Variants in PAPLN observed in about 807,000 individuals in gnomAD.
The protein encoded by PAPLN is papilin, proteoglycan like sulfated glycoprotein.
PAPLN carries 146 observed loss-of-function variants against 159.0 expected under a neutral mutation model. The ratio of observed to expected loss-of-function variants is 0.92; its 90% CI spans 0.80 to 1.05. The LOEUF is 1.05. Among genes scored for constraint, PAPLN ranks in the 50% least tolerant of loss-of-function variants. The probability of loss-of-function intolerance (pLI) is 0.00; values close to 1 mark genes in which losing one functional copy is unlikely to be tolerated. For missense variants in PAPLN, 1,720 were observed against 1,743.9 expected, an observed-to-expected ratio of 0.99 and a Z score of 0.24; for synonymous variants, 734 against 702.9, an observed-to-expected ratio of 1.04 and a Z score of -0.70.
Position 73,259,345 on chromosome 14 carries a change from C to T in PAPLN, c.1785C>T (p.Pro595=). 6.2e-7 allele frequency: 1 copy of T among 1,611,426 alleles called. No homozygotes were observed. The highest frequency in any genetic ancestry group is 1.3e-5 in the African/African-American group (1 of 74,996). The change falls in exon 16 of 27, where the codon CCC becomes CCT. Residue 595 remains proline (P), a synonymous_variant. Transcript: ENST00000644200. ...RGDHRGERGD[P]RGDQGTHLSA... ...ACCACAGGGGAGAACGAGGTGACCC[C>T]AGGGGCGACCAAGGCACCCACCTGT...
intron 1 of PAPLN, 127 bp from the exon 2 acceptor site, chr14:73,239,646 G>A: frequency 1.4e-6 from 2 of 1,443,292 alleles, no homozygotes; most frequent in Non-Finnish European, 1.8e-6. Flanking sequence ...AGGCGCACCC[G>A]GCTGTCCTGT....
rs530851736 is a variant in PAPLN, at chr14:73,250,265, C to T, written c.465+151C>T. Reference sequence around the variant, plus strand: ...ACACCAAGCCCAGCTCCTAGGGTACCTTGCAGGCATCACAGATGCCCTATG... The same window carrying T: ...ACACCAAGCCCAGCTCCTAGGGTACTTTGCAGGCATCACAGATGCCCTATG... On this transcript the variant is annotated intron_variant, in intron 6 of 26. Transcript: ENST00000644200. 1.9e-5 allele frequency: 21 copies of T among 1,097,920 alleles called. No individual in the cohort carries two copies. The African/African-American group carries it at 3.1e-4, about 16-fold the overall frequency. 68.0% of individuals were successfully genotyped at this position (1,097,920 alleles called of 1,614,324 possible). A position where few individuals can be genotyped will look rare whatever the true frequency, so the allele number is the denominator to read the frequency against.
intron 11 of PAPLN, 63 bp from the exon 12 acceptor site, chr14:73,253,691 C>T: frequency 6.8e-7 from 1 of 1,477,040 alleles, no homozygotes. Context: ...GGGCAGAAAC[C>T]CTCAGGGCTG....
chr14:73,263,893 C>T, intron 20 of PAPLN, 111 bp downstream of exon 20: 2 of 1,260,914 alleles, frequency 1.6e-6, no homozygotes, highest in Non-Finnish European at 2.2e-6. Flanking sequence ...GACAGACCCC[C>T]TCCTCCTTTG....
At position 73,246,205 on chromosome 14, in the gene PAPLN, G is replaced by A. The variant is rs773859111; in HGVS notation, c.334+30G>A. 8.4e-6 allele frequency: 13 copies of A among 1,540,962 alleles called. No homozygotes were observed. The African/African-American group carries it at 1.7e-4, about 20-fold the overall frequency. On this transcript the variant is annotated intron_variant, in intron 5 of 26. Transcript: ENST00000644200. ...GCGCGGCCGGGACTCGCTCTCTCGG[G>A]GCCTCTTGTATACCTACGTTGATGC... is the stretch of plus-strand genomic sequence containing the variant.
Position 73,245,646 on chromosome 14 carries a change from G to A in PAPLN, c.181G>A (p.Gly61Ser), listed in dbSNP as rs746987057. The A allele has an allele frequency of 6.4e-7, 1 of 1,560,120 alleles. No individual in the cohort carries two copies. The highest frequency in any genetic ancestry group is 8.7e-7 in the Non-Finnish European group (1 of 1,153,728). Residue 61 changes from glycine (G) to serine (S), a missense_variant, in exon 4 of 27, where the codon GGC becomes AGC. Coordinates refer to ENST00000644200, the MANE Select transcript of PAPLN (RefSeq NM_001365906.3). This position sits in a 1 kb window ranked among gnomAD's most constrained non-coding sequence, Gnocchi z 4.2. ...GCTCTGGTCCCGCAGGAGAGATGGA[G>A]GCTCCAGCTGCGTGGGCCCCGCCCG... ...RPCYSQRRDG[G>S]SSCVGPARSH...
chr14:73,253,661 C>T, intron 11 of PAPLN, 93 bp from the exon 12 acceptor site: 1 of 1,264,864 alleles, frequency 7.9e-7, no homozygotes, highest in Non-Finnish European at 1.1e-6. Context: ...TGGGGGTCCT[C>T]AGGCCACCTG....
At position 73,251,001 on chromosome 14, in the gene PAPLN, G is replaced by A. The variant is rs759905704; in HGVS notation, c.560G>A (p.Gly187Asp). 6.2e-7 allele frequency: 1 copy of A among 1,613,314 alleles called. No homozygotes were observed. The highest frequency in any genetic ancestry group is 1.7e-5 in the Admixed American group (1 of 59,976). The change falls in exon 7 of 27, where the codon GGC becomes GAC. Residue 187 changes from glycine (G) to aspartate (D), a missense_variant. Gly to Asp is a moderately conservative substitution (Grantham distance 94). Transcript: ENST00000644200. ...GGCACGACCTGCTACCCCGTCGCAG[G>A]CACCTTTGACGCTAATGACCTCAGC... The part of the protein sequence containing the change: ...GDGTTCYPVA[G>D]TFDANDLSRG...
chr14:73,262,975 C>G, intron 19 of PAPLN, 148 bp downstream of exon 19: 1 of 682,470 alleles, frequency 1.5e-6, no homozygotes, highest in Non-Finnish European at 2.2e-6. Context: ...GGCCTTGTTG[C>G]CATCATTCTA....
chr14:73,269,333 T>C (rs1486930553), intron 26 of PAPLN, among the ~76,000 whole-genome samples: 1 of 152,032 alleles, frequency 6.6e-6, no homozygotes, highest in Non-Finnish European at 1.5e-5. Flanking sequence ...ACTATACTTG[T>C]ACCTAAGTGG....
chr14:73,245,903 T>C lies in PAPLN; in HGVS notation c.232-170T>C, dbSNP rs1825171792. On this transcript the variant is annotated intron_variant, in intron 4 of 26. Coordinates refer to ENST00000644200, the MANE Select transcript of PAPLN (RefSeq NM_001365906.3). This position sits in a 1 kb window ranked among gnomAD's most constrained non-coding sequence, Gnocchi z 4.2. The stretch of plus-strand genomic sequence containing the variant: ...TTGCCCTCCACAGCCTAGAGCACCA[T>C]GGAGGGGCACGCACAGGAGTTCGGG... 1.5e-5 allele frequency: 13 copies of C among 875,372 alleles called. No homozygotes were observed. Among genetic ancestry groups the C allele is most frequent in the Non-Finnish European group, 2.2e-5 (13 of 589,806 alleles). 54.2% of individuals were successfully genotyped at this position (875,372 alleles called of 1,614,324 possible). A position where few individuals can be genotyped will look rare whatever the true frequency, so the allele number is the denominator to read the frequency against.
At chr14:73,236,424 A>G (rs1365109266), upstream of PAPLN, among the ~76,000 whole-genome samples, 6 of 152,258 alleles carry the variant, frequency 3.9e-5, no homozygotes, top group South Asian at 2.1e-4. Flanking sequence ...AGCAGGTGAC[A>G]TGCTGGGCAC....
chr14:73,240,599 C>T (rs904129575), intron 2 of PAPLN, among the ~76,000 whole-genome samples: 10 of 152,108 alleles, frequency 6.6e-5, no homozygotes, highest in Non-Finnish European at 1.3e-4. Flanking sequence ...TGTGCCACCA[C>T]GCCTGGCCAT....
intron 2 of PAPLN, 83 bp downstream of exon 2, chr14:73,239,915 C>A: frequency 6.8e-7 from 1 of 1,474,554 alleles, no homozygotes; most frequent in Non-Finnish European, 9.0e-7. Flanking sequence ...GGCAACGTCC[C>A]CAGGAAAGGG....
chr14:73,268,923 C>T (rs184276748), intron 26 of PAPLN, among the ~76,000 whole-genome samples, 200 bp downstream of exon 26: 91 of 152,256 alleles, frequency 6.0e-4, no homozygotes, highest in Non-Finnish European at 1.0e-3. Flanking sequence ...TGCTCCACCA[C>T]CTGAGAGGGC....
chr14:73,268,363 T>G lies in PAPLN; in HGVS notation c.3501-194T>G, dbSNP rs1365797764. The G allele has an allele frequency of 6.8e-5, 36 of 531,084 alleles. No homozygotes were observed. The East Asian group carries it at 1.2e-3, about 17-fold the overall frequency. The allele number at this position is 531,084 out of a possible 1,614,324, so 32.9% of individuals were successfully genotyped here. A position where few individuals can be genotyped will look rare whatever the true frequency, so the allele number is the denominator to read the frequency against. On this transcript the variant is annotated intron_variant, in intron 25 of 26. Coordinates refer to ENST00000644200, the MANE Select transcript of PAPLN (RefSeq NM_001365906.3). ...ACCCCAGCCTTGGATCTCCCAAGGT[T>G]GGAGGGGCACCATCATCACCCAGTA...
intron 5 of PAPLN, among the ~76,000 whole-genome samples, chr14:73,248,722 T>C (rs1399714348): frequency 6.6e-6 from 1 of 152,036 alleles, no homozygotes; most frequent in African/African-American, 2.4e-5. Flanking sequence ...TTCGAGAAGC[T>C]GAGGTGGGAG....
chr14:73,249,674 CAAAA>C (rs58852515), intron 5 of PAPLN: 7 of 93,426 alleles, frequency 7.5e-5, no homozygotes, highest in South Asian at 3.8e-4. Context: ...GACTCCACCT[CAAAA>C]AAAAAAAAAA....
chr14:73,259,922 C>T (rs1886364812), intron 16 of PAPLN, among the ~76,000 whole-genome samples: 1 of 152,182 alleles, frequency 6.6e-6, no homozygotes, highest in Non-Finnish European at 1.5e-5. Context: ...TTCCTAACAG[C>T]CCCGGCCACT....
Sources: gnomAD v4.1 joint callset for allele counts (sites outside exome capture counted in the v4.1 genomes callset) on GRCh38, gnomAD v4.1.1 for gene constraint, Gnocchi (gnomAD v3.1) non-coding constraint, MANE v1.5 for transcripts, NCBI Gene and HGNC (gene_info 2026-07-23, HGNC 2026-07-21) for gene names.